Variants in SAFB2 observed in about 807,000 individuals in gnomAD.
SAFB2 encodes scaffold attachment factor B2.
Under a neutral mutation model 100.6 loss-of-function variants are expected in SAFB2, and 32 were observed. The ratio of observed to expected loss-of-function variants is 0.32; its 90% CI spans 0.24 to 0.43. SAFB2 has a LOEUF of 0.43. SAFB2 is among the 20% of genes least tolerant of loss of function. The probability of loss-of-function intolerance (pLI) is 1.00; values close to 1 mark genes in which losing one functional copy is unlikely to be tolerated. For synonymous variants in SAFB2, 500 were observed against 439.4 expected (o/e 1.14, Z -1.72); for missense variants, 1,185 against 1,163.4 (o/e 1.02, Z -0.27).
At chr19:5,618,134 C>T (rs2053071126) in intron 2 of SAFB2, among the ~76,000 whole-genome samples, 1 of 152,156 alleles carries the variant, frequency 6.6e-6, no homozygotes, top group Non-Finnish European at 1.5e-5. Context: ...AAGACCGAGT[C>T]TCTCTAACAT....
At chr19:5,620,974 C>T (rs1198216475) in intron 2 of SAFB2, among the ~76,000 whole-genome samples, 1 of 152,070 alleles carries the variant, frequency 6.6e-6, no homozygotes, top group South Asian at 2.1e-4. Context: ...ATTTTTTGAA[C>T]CAGGAAGGAA....
chr19:5,622,404 C>T, intron 1 of SAFB2, 126 bp downstream of exon 1: 2 of 994,888 alleles, frequency 2.0e-6, no homozygotes, highest in Non-Finnish European at 2.8e-6. Flanking sequence ...CCCGACACCT[C>T]GAACCGGGGT....
intron 1 of SAFB2, 66 bp downstream of exon 1, chr19:5,622,464 G>A (rs550449382): frequency 1.4e-6 from 2 of 1,428,334 alleles, no homozygotes; most frequent in East Asian, 2.8e-5. Context: ...GGGAGCCGCG[G>A]TGACAGGTGC....
intron 1 of SAFB2, among the ~76,000 whole-genome samples, chr19:5,621,928 T>G (rs1237897353): frequency 6.6e-6 from 1 of 152,250 alleles, no homozygotes; most frequent in Non-Finnish European, 1.5e-5. Flanking sequence ...TATTTTGCAT[T>G]TAGCCCCTGC....
At chr19:5,608,608 C>T (rs551201924) in intron 9 of SAFB2, among the ~76,000 whole-genome samples, 15 of 152,288 alleles carry the variant, frequency 9.8e-5, no homozygotes, top group African/African-American at 3.6e-4. Context: ...GACAAAGGAA[C>T]GGCTTCTGTA....
chr19:5,609,659 C>T (rs530199949), intron 9 of SAFB2, among the ~76,000 whole-genome samples: 2 of 152,148 alleles, frequency 1.3e-5, no homozygotes, highest in Non-Finnish European at 2.9e-5. Flanking sequence ...AGAAAGAACC[C>T]CAAGAACATT....
rs746647523 is a variant in SAFB2 at position 5,590,321 on chromosome 19, C to T, written c.2482G>A (p.Asp828Asn). The change falls in exon 18 of 21, where the codon GAC becomes AAC. Residue 828 changes from aspartate to asparagine, a missense_variant. By Grantham distance (23) the Asp-to-Asn change is conservative. This residue lies in a region of SAFB2 where 740 missense variants were observed against 687.1 expected (regional missense o/e 1.08). Transcript: ENST00000252542. ...SRDGWGGYGSDKRLSEGRGLP... is the reference protein window; with the variant it reads ...SRDGWGGYGSNKRLSEGRGLP... ...CCCCGGCCTTCACTCAGCCTCTTGT[C>T]GGAGCCGTAGCCCCCCCAGCCATCA... 17 of 1,608,480 alleles carry T rather than the reference C, an allele frequency of 1.1e-5. No individual in the cohort carries two copies. The highest frequency in any genetic ancestry group is 6.7e-5 in the African/African-American group (5 of 74,890).
intron 11 of SAFB2, among the ~76,000 whole-genome samples, chr19:5,601,389 C>G (rs988318436): frequency 6.6e-6 from 1 of 152,104 alleles, no homozygotes; most frequent in Non-Finnish European, 1.5e-5. Flanking sequence ...ACACTGCTTA[C>G]TTTTGTCACC....
chr19:5,609,490 G>T (rs1007527016), intron 9 of SAFB2, among the ~76,000 whole-genome samples: 1 of 151,988 alleles, frequency 6.6e-6, no homozygotes, highest in Non-Finnish European at 1.5e-5. Flanking sequence ...TTTTAGCAGA[G>T]ACAGGGTTTC....
intron 6 of SAFB2, chr19:5,611,896 T>C (rs2052915748): frequency 1.7e-6 from 1 of 586,928 alleles, no homozygotes; most frequent in East Asian, 3.3e-5. Flanking sequence ...TTCTCAATAG[T>C]CTTCTTCGAG....
intron 7 of SAFB2, 197 bp downstream of exon 7, chr19:5,610,923 C>A: frequency 1.4e-6 from 1 of 706,306 alleles, no homozygotes; most frequent in Non-Finnish European, 2.3e-6. Flanking sequence ...AGAACACAAC[C>A]ATGGTAGGTT....
intron 4 of SAFB2, 132 bp from the exon 5 acceptor site, chr19:5,613,659 T>C (rs1482472407): frequency 6.8e-7 from 1 of 1,480,324 alleles, no homozygotes; most frequent in Non-Finnish European, 8.9e-7. Context: ...TACTGTTGGG[T>C]CATTCAGTTC....
In SAFB2 at chr19:5,587,888, C is replaced by A; in HGVS notation, c.2618G>T (p.Arg873Leu). 6.2e-7 allele frequency: 1 copy of A among 1,611,674 alleles called. No individual in the cohort carries two copies. The highest frequency in any genetic ancestry group is 8.5e-7 in the Non-Finnish European group (1 of 1,179,426). ...CGTACCTTGCCACCTGGCGTGCTCC[C>A]GGCTAGCCGCGCCTGCGTCCATGGC... ...QGAMDAGAAS[R>L]EHARWQGGER... The change falls in exon 19 of 21, where the codon CGG (arginine) becomes CTG (leucine). Residue 873 changes from arginine (R) to leucine (L), a missense_variant. Coordinates refer to ENST00000252542, the MANE Select transcript of SAFB2 (RefSeq NM_014649.3). This position sits in a 1 kb window ranked among gnomAD's most constrained non-coding sequence, Gnocchi z 4.9.
chr19:5,622,409 C>A, intron 1 of SAFB2, 121 bp downstream of exon 1: 1 of 1,036,672 alleles, frequency 9.6e-7, no homozygotes, highest in South Asian at 1.9e-5. Context: ...CACCTCGAAC[C>A]GGGGTCGGCC....
chr19:5,608,147 T>C (rs770973425), intron 9 of SAFB2, among the ~76,000 whole-genome samples: 42 of 152,156 alleles, frequency 2.8e-4, no homozygotes, highest in Non-Finnish European at 5.4e-4. Flanking sequence ...CGTCCTTCTG[T>C]TTTTGTCCAG....
chr19:5,621,334 C>T lies in SAFB2; in HGVS notation c.249G>A (p.Lys83=). 1.2e-6 allele frequency: 2 copies of T among 1,613,586 alleles called. No homozygotes were observed. Among genetic ancestry groups the T allele is most frequent in the Non-Finnish European group, 1.7e-6 (2 of 1,179,440 alleles). The change falls in exon 2 of 21, where the codon AAG becomes AAA. Residue 83 remains lysine (K), a synonymous_variant. Transcript: ENST00000252542. The part of the protein sequence containing the change: ...EIGIELEATS[K]KSAKRCVKGL... ...CTTTAACACATCTCTTGGCTGACTT[C>T]TTGCTGGTGGCTTCTAACTCGATGC...
Position 5,605,935 on chromosome 19 carries a change from G to A in SAFB2, c.1297-999C>T, listed in dbSNP as rs548405767. On this transcript the variant is annotated intron_variant, in intron 9 of 20. Coordinates refer to ENST00000252542, the MANE Select transcript of SAFB2 (RefSeq NM_014649.3). Reference sequence around the variant, plus strand: ...AGAGGACACAGCCACACAGAGCCACGCAGAGCAAGCTGAAGAGACCCACAG... The same window carrying A: ...AGAGGACACAGCCACACAGAGCCACACAGAGCAAGCTGAAGAGACCCACAG... 3.3e-3 allele frequency among the ~76,000 whole-genome samples: 502 copies of A among 152,252 alleles called. 1 individual carries two copies. Among genetic ancestry groups the A allele is most frequent in the African/African-American group, 0.012 (488 of 41,538 alleles).
Position 5,587,338 on chromosome 19 carries a change from C to G in SAFB2, c.2767G>C (p.Glu923Gln). ...QGHVVPGGGL[E>Q]GGGVASQDRG... ...TCCTGGCTGGCCACTCCGCCACCTT[C>G]CAGTCCGCCACCTGGCACCACGTGG... Residue 923 changes from glutamate to glutamine, a missense_variant, in exon 21 of 21, where the codon GAA becomes CAA. Physicochemically the swap from Glu to Gln is conservative, Grantham distance 29. Coordinates refer to ENST00000252542, the MANE Select transcript of SAFB2 (RefSeq NM_014649.3). The surrounding 1 kb of genome is among the most constrained non-coding windows in gnomAD (Gnocchi z 4.9). 1 of 1,613,226 alleles carries G rather than the reference C, an allele frequency of 6.2e-7. No individual in the cohort carries two copies. The highest frequency in any genetic ancestry group is 2.2e-5 in the East Asian group (1 of 44,822).
rs2052730936 is a variant in SAFB2 at position 5,604,512 on chromosome 19, T to TCAAGGCC, written c.1559+64_1559+70dup. ...ACAGGTGGGGACAGATGCGTGTTTTTCAAGGCCCATGGTGGCTGCCCGTGC... is the reference window on the plus strand; with the variant it reads ...ACAGGTGGGGACAGATGCGTGTTTTTCAAGGCCCAAGGCCCATGGTGGCTGCCCGTGC... On this transcript the variant is annotated intron_variant, in intron 11 of 20. Transcript: ENST00000252542. The TCAAGGCC allele has an allele frequency of 2.6e-6, 3 of 1,155,598 alleles. No homozygotes were observed. The South Asian group carries it at 4.0e-5, about 15-fold the overall frequency. The allele number at this position is 1,155,598 out of a possible 1,614,324, so 71.6% of individuals were successfully genotyped here.
Sources: gnomAD v4.1 joint callset for allele counts (sites outside exome capture counted in the v4.1 genomes callset) on GRCh38, gnomAD v4.1.1 for gene constraint, gnomAD v4.1.1 regional missense constraint, Gnocchi (gnomAD v3.1) non-coding constraint, MANE v1.5 for transcripts, NCBI Gene and HGNC (gene_info 2026-07-23, HGNC 2026-07-21) for gene names.